Variants in SLC24A2 observed in about 807,000 individuals in gnomAD.
SLC24A2 encodes the protein sodium/potassium/calcium exchanger 2.
Under a neutral mutation model 62.0 loss-of-function variants are expected in SLC24A2, and 36 were observed. The observed-to-expected ratio is 0.58, with a 90% CI of 0.44 to 0.77. The LOEUF (loss-of-function observed/expected upper bound fraction) is 0.77, where lower values mean the gene tolerates loss of function less well. SLC24A2 is among the 30% of genes least tolerant of loss of function. SLC24A2 has a pLI of 0.00. For missense variants in SLC24A2, 846 were observed against 817.9 expected (o/e 1.03, Z -0.42); for synonymous variants, 358 against 294.0 (o/e 1.22, Z -2.23).
intron 8 of SLC24A2, among the ~76,000 whole-genome samples, chr9:19,539,394 G>C (rs1834142424): frequency 6.6e-6 from 1 of 151,270 alleles, no homozygotes; most frequent in Non-Finnish European, 1.5e-5. Context: ...CAGAGATTCT[G>C]GTATGTGGTG....
chr9:19,989,988 G>A, the SLC24A2 span, among the ~76,000 whole-genome samples: 2 of 152,190 alleles, frequency 1.3e-5, no homozygotes, highest in African/African-American at 4.8e-5. Context: ...AACATAGGTG[G>A]CTGGGAAAAG....
chr9:20,163,774 C>A, the SLC24A2 span, among the ~76,000 whole-genome samples: 1 of 152,034 alleles, frequency 6.6e-6, no homozygotes, highest in Non-Finnish European at 1.5e-5. Context: ...GTACTGGTAC[C>A]AAAACAGAGA....
At chr9:19,764,508 T>C (rs1268412320) in intron 2 of SLC24A2, among the ~76,000 whole-genome samples, 6 of 152,266 alleles carry the variant, frequency 3.9e-5, no homozygotes, top group African/African-American at 1.4e-4. Flanking sequence ...TGTGTCTTTG[T>C]TCTCATTGGT....
At chr9:20,307,673 T>C in the SLC24A2 span, among the ~76,000 whole-genome samples, 1 of 152,168 alleles carries the variant, frequency 6.6e-6, no homozygotes, top group Non-Finnish European at 1.5e-5. Context: ...GATGACTTTC[T>C]ATAGTTGGCT....
At chr9:19,971,434 G>A in the SLC24A2 span, among the ~76,000 whole-genome samples, 3 of 152,202 alleles carry the variant, frequency 2.0e-5, no homozygotes, top group Admixed American at 6.5e-5. Context: ...CATGTTATAT[G>A]AAAGCTACAG....
chr9:19,771,836 G>T (rs770707220), intron 2 of SLC24A2, among the ~76,000 whole-genome samples: 3 of 152,152 alleles, frequency 2.0e-5, no homozygotes, highest in Non-Finnish European at 4.4e-5. Context: ...CGTATATATG[G>T]AGCTTCATAC....
At chr9:19,682,632 G>T (rs1055687055) in intron 2 of SLC24A2, among the ~76,000 whole-genome samples, 1 of 152,062 alleles carries the variant, frequency 6.6e-6, no homozygotes, top group Non-Finnish European at 1.5e-5. Flanking sequence ...AATAATACAG[G>T]GAGCAGGAGA....
the SLC24A2 span, among the ~76,000 whole-genome samples, chr9:20,304,229 G>T: frequency 2.0e-5 from 3 of 152,054 alleles, no homozygotes; most frequent in Non-Finnish European, 4.4e-5. Flanking sequence ...TTCACTGCTG[G>T]ATGCTCTGTC....
At chr9:19,534,798 G>A (rs1833877836) in intron 8 of SLC24A2, among the ~76,000 whole-genome samples, 1 of 152,104 alleles carries the variant, frequency 6.6e-6, no homozygotes, top group African/African-American at 2.4e-5. Flanking sequence ...TTGCTATTGT[G>A]AATAGTGCCA....
At chr9:19,913,757 AACCATGG>A in the SLC24A2 span, among the ~76,000 whole-genome samples, 1 of 152,244 alleles carries the variant, frequency 6.6e-6, no homozygotes, top group African/African-American at 2.4e-5. Flanking sequence ...TGAATAAGGA[AACCATGG>A]TCTATGACTC....
chr9:20,260,114 A>G, the SLC24A2 span, among the ~76,000 whole-genome samples: 17 of 152,332 alleles, frequency 1.1e-4, no homozygotes, highest in African/African-American at 4.1e-4. Flanking sequence ...ATAAAAGGTG[A>G]GGCCTTTAAG....
At chr9:20,178,804 G>T in the SLC24A2 span, among the ~76,000 whole-genome samples, 1 of 152,250 alleles carries the variant, frequency 6.6e-6, no homozygotes, top group South Asian at 2.1e-4. Flanking sequence ...AGTACAACTT[G>T]CTTCTCCAAC....
At chr9:19,538,328 C>T (rs1218413828) in intron 8 of SLC24A2, among the ~76,000 whole-genome samples, 10 of 146,356 alleles carry the variant, frequency 6.8e-5, no homozygotes, top group African/African-American at 2.7e-4. Context: ...CGGTATGATA[C>T]TGGCTGTGGG....
At chr9:20,256,215 G>T in the SLC24A2 span, among the ~76,000 whole-genome samples, 1 of 152,174 alleles carries the variant, frequency 6.6e-6, no homozygotes, top group Non-Finnish European at 1.5e-5. Context: ...TGCCTTTGGG[G>T]AGACACGTTT....
intron 2 of SLC24A2, among the ~76,000 whole-genome samples, chr9:19,752,758 A>G (rs370250262): frequency 3.9e-5 from 6 of 152,310 alleles, no homozygotes; most frequent in African/African-American, 1.4e-4. Context: ...ATATCCTCAC[A>G]ACAATCTTAG....
the SLC24A2 span, among the ~76,000 whole-genome samples, chr9:20,298,624 C>G: frequency 6.6e-6 from 1 of 152,254 alleles, no homozygotes; most frequent in Non-Finnish European, 1.5e-5. Flanking sequence ...CTCAAATCAT[C>G]ATGTTTCCAA....
At chr9:19,983,574 T>G in the SLC24A2 span, among the ~76,000 whole-genome samples, 1 of 152,028 alleles carries the variant, frequency 6.6e-6, no homozygotes, top group Admixed American at 6.6e-5. Context: ...ACCCAGGACG[T>G]GGAGGTTGTA....
chr9:20,262,509 C>A, the SLC24A2 span, among the ~76,000 whole-genome samples: 1 of 152,216 alleles, frequency 6.6e-6, no homozygotes, highest in Non-Finnish European at 1.5e-5. Flanking sequence ...CTTTGCTGGC[C>A]ACTGGCACCT....
chr9:20,143,858 A>T, the SLC24A2 span, among the ~76,000 whole-genome samples: 3 of 152,156 alleles, frequency 2.0e-5, no homozygotes, highest in Non-Finnish European at 4.4e-5. Context: ...TACACATATG[A>T]CTCTAATATT....
Sources: gnomAD v4.1 joint callset for allele counts (sites outside exome capture counted in the v4.1 genomes callset) on GRCh38, gnomAD v4.1.1 for gene constraint, MANE v1.5 for transcripts, NCBI Gene and HGNC (gene_info 2026-07-23, HGNC 2026-07-21) for gene names.